The following NEK11 variants were observed in gnomAD, a reference collection of about 807,000 sequenced individuals.
NEK11 encodes the protein serine/threonine-protein kinase Nek11.
A neutral mutation model predicts 80.7 loss-of-function variants in NEK11; 72 were observed. The ratio of observed to expected loss-of-function variants is 0.89; its 90% CI spans 0.74 to 1.08. The LOEUF (loss-of-function observed/expected upper bound fraction) is 1.08. Among genes scored for constraint, NEK11 ranks in the 50% least tolerant of loss-of-function variants. NEK11 has a pLI of 0.00. For missense variants in NEK11, 764 were observed against 763.6 expected, an observed-to-expected ratio of 1.00 and a Z score of -0.01; for synonymous variants, 251 against 260.7, an observed-to-expected ratio of 0.96 and a Z score of 0.36.
chr3:131,343,597 C>A (rs1040138325), intron 17 of NEK11, among the ~76,000 whole-genome samples: 1 of 152,200 alleles, frequency 6.6e-6, no homozygotes, highest in African/African-American at 2.4e-5. Flanking sequence ...TGTCTGAACA[C>A]CAGGCTTTTG....
At chr3:131,168,228 T>C (rs984256578) in intron 12 of NEK11, among the ~76,000 whole-genome samples, 13 of 152,252 alleles carry the variant, frequency 8.5e-5, no homozygotes, top group Non-Finnish European at 1.9e-4. Context: ...CAAATTCTTA[T>C]GGCTTATAGT....
rs12629006 is a variant in NEK11 at position 131,087,509 on chromosome 3, T to C, written c.336+6921T>C. 7.9e-4 allele frequency among the ~76,000 whole-genome samples: 121 copies of C among 152,302 alleles called. 3 individuals carry two copies. In the East Asian group the frequency reaches 0.021, roughly 26 times the overall value. ...CGCCCACGTCAGCCTCCCAAAGTGC[T>C]GGGATGACAGGCGTGAGCCACCGTG... On this transcript the variant is annotated intron_variant, in intron 4 of 17. Transcript: ENST00000383366.
intron 17 of NEK11, chr3:131,325,767 A>G (rs2096957463): frequency 6.6e-6 from 1 of 152,218 alleles, no homozygotes; most frequent in Non-Finnish European, 1.5e-5. Context: ...TCCAGTGTAC[A>G]CACTGGTGAA....
chr3:131,312,012 A>C (rs370078121), intron 17 of NEK11, among the ~76,000 whole-genome samples: 2 of 152,228 alleles, frequency 1.3e-5, no homozygotes, highest in East Asian at 3.8e-4. Context: ...GTATATATAG[A>C]AAAGCTCGGA....
At chr3:131,197,004 C>T (rs890647687) in intron 14 of NEK11, among the ~76,000 whole-genome samples, 5 of 152,044 alleles carry the variant, frequency 3.3e-5, no homozygotes, top group Non-Finnish European at 5.9e-5. Flanking sequence ...TGTTCTCAGG[C>T]GATAGATGAT....
chr3:131,252,490 C>T (rs1198114995), intron 16 of NEK11, among the ~76,000 whole-genome samples: 1 of 152,088 alleles, frequency 6.6e-6, no homozygotes, highest in Admixed American at 6.6e-5. Flanking sequence ...AGTTTGAATT[C>T]TACTTGGAAC....
rs183177532 is a variant in NEK11 at position 131,195,037 on chromosome 3, C to G, written c.1399+24150C>G. The stretch of plus-strand genomic sequence containing the variant: ...TCCAGTTGCCCAACGCTGAGGAGCC[C>G]TCATCTCATCTCAAGTGCTGCATTT... On this transcript the variant is annotated intron_variant, in intron 14 of 17. Transcript: ENST00000383366. Among the ~76,000 whole-genome samples the G allele has an allele frequency of 2.2e-4, 33 of 152,260 alleles. 1 individual carries two copies. The East Asian group carries it at 3.9e-3, about 18-fold the overall frequency.
intron 15 of NEK11, among the ~76,000 whole-genome samples, chr3:131,232,441 C>T (rs757755527): frequency 2.0e-5 from 3 of 152,136 alleles, no homozygotes; most frequent in Non-Finnish European, 4.4e-5. Context: ...ACAATAATGA[C>T]TCGACACAAA....
rs1560659037 is a variant in NEK11 at position 131,152,370 on chromosome 3, CT to C, written c.648-15del. 6.4e-7 allele frequency: 1 copy of C among 1,569,308 alleles called. No homozygotes were observed. The highest frequency in any genetic ancestry group is 2.0e-5 in the Admixed American group (1 of 50,234). ...AGGATATTTGTTCCTTATTTAAATT[CT>C]TTGACTTTGTCTTCAGGTCACTGGC... On this transcript the variant is annotated splice_polypyrimidine_tract_variant and intron_variant, in intron 7 of 17. Coordinates refer to ENST00000383366, the MANE Select transcript of NEK11 (RefSeq NM_024800.5).
At chr3:131,100,690 G>C (rs553689962) in intron 4 of NEK11, among the ~76,000 whole-genome samples, 31 of 152,230 alleles carry the variant, frequency 2.0e-4, no homozygotes, top group Admixed American at 2.0e-3. Flanking sequence ...ATGGATATTG[G>C]CCTGAAGTTC....
chr3:131,180,043 A>G (rs1418849713), intron 14 of NEK11, among the ~76,000 whole-genome samples: 1 of 152,178 alleles, frequency 6.6e-6, no homozygotes, highest in Admixed American at 6.5e-5. Context: ...TGCAGTGACT[A>G]AGGACCAAGG....
At chr3:131,140,645 A>G (rs1185077777) in intron 7 of NEK11, among the ~76,000 whole-genome samples, 2 of 152,160 alleles carry the variant, frequency 1.3e-5, no homozygotes, top group Non-Finnish European at 2.9e-5. Flanking sequence ...AGGCCTCCGT[A>G]TGACAATCTG....
intron 16 of NEK11, among the ~76,000 whole-genome samples, chr3:131,264,161 G>A (rs1343570603): frequency 1.3e-5 from 2 of 152,092 alleles, no homozygotes; most frequent in African/African-American, 4.8e-5. Flanking sequence ...CATTCTGTAG[G>A]TTGCCTGTTC....
chr3:131,133,472 C>G (rs1578841829), intron 6 of NEK11: 1 of 289,964 alleles, frequency 3.4e-6, no homozygotes, highest in Non-Finnish European at 6.6e-6. Context: ...CTTCTCCCCT[C>G]AGGTGAAATT....
chr3:131,202,681 G>A (rs1216199613), intron 14 of NEK11, among the ~76,000 whole-genome samples: 2 of 152,132 alleles, frequency 1.3e-5, no homozygotes, highest in Non-Finnish European at 2.9e-5. Context: ...CTACCCATCT[G>A]ACAAAGGGCT....
chr3:131,166,564 T>G (rs2092257352), intron 12 of NEK11, among the ~76,000 whole-genome samples: 1 of 152,264 alleles, frequency 6.6e-6, no homozygotes, highest in Admixed American at 6.5e-5. Flanking sequence ...TTCAGGAGTC[T>G]TCCTCTGTTT....
At chr3:131,240,560 G>A (rs963952768) in intron 15 of NEK11, among the ~76,000 whole-genome samples, 1 of 151,836 alleles carries the variant, frequency 6.6e-6, no homozygotes, top group East Asian at 1.9e-4. Flanking sequence ...TTAGAAACAG[G>A]GTTTTATTTT....
intron 5 of NEK11, among the ~76,000 whole-genome samples, chr3:131,115,980 T>TTA (rs2081138357): frequency 7.1e-6 from 1 of 140,986 alleles, no homozygotes; most frequent in African/African-American, 2.6e-5. Flanking sequence ...CTTTCTTTCT[T>TTA]TCTTTCTTTA....
intron 16 of NEK11, among the ~76,000 whole-genome samples, chr3:131,262,998 C>T (rs562774198): frequency 1.1e-4 from 16 of 152,014 alleles, no homozygotes; most frequent in Non-Finnish European, 2.1e-4. Flanking sequence ...TGAACTCATC[C>T]GTTTTTATGG....
Sources: gnomAD v4.1 joint callset for allele counts (sites outside exome capture counted in the v4.1 genomes callset) on GRCh38, gnomAD v4.1.1 for gene constraint, MANE v1.5 for transcripts, NCBI Gene and HGNC (gene_info 2026-07-23, HGNC 2026-07-21) for gene names.